The following B3GALT1 variants were observed in gnomAD, a reference collection of about 807,000 sequenced individuals.
The protein encoded by B3GALT1 is UDP-Gal:betaGlcNAc beta 1,3-galactosyltransferase, polypeptide 1.
A neutral mutation model predicts 23.2 loss-of-function variants in B3GALT1; 10 were observed. That is an observed-to-expected ratio of 0.43 (90% confidence interval 0.27 to 0.73). B3GALT1 has a LOEUF of 0.73. Ranked by LOEUF, B3GALT1 falls within the 30% of genes least tolerant of loss-of-function variation. The pLI is 0.21. For synonymous variants in B3GALT1, 156 were observed against 141.5 expected (o/e 1.10, Z -0.73); for missense variants, 299 against 405.4 (o/e 0.74, Z 2.25).
intron 1 of B3GALT1, among the ~76,000 whole-genome samples, chr2:167,391,780 G>T (rs1402967705): frequency 1.3e-5 from 2 of 152,100 alleles, no homozygotes; most frequent in African/African-American, 4.8e-5. Flanking sequence ...TAAAGGGATT[G>T]TAACTTCTAT....
chr2:167,695,875 C>A (rs528472233), intron 3 of B3GALT1, among the ~76,000 whole-genome samples: 2 of 152,104 alleles, frequency 1.3e-5, no homozygotes, highest in Non-Finnish European at 2.9e-5. Context: ...TTGCTCCCAC[C>A]GTCATGTCTG....
intron 1 of B3GALT1, among the ~76,000 whole-genome samples, chr2:167,325,781 G>C (rs113927300): frequency 1.4e-5 from 2 of 146,696 alleles, no homozygotes; most frequent in Admixed American, 1.4e-4. Flanking sequence ...GCAGTGGTGC[G>C]ATCTCAGCTC....
intron 2 of B3GALT1, among the ~76,000 whole-genome samples, chr2:167,529,909 A>T (rs890668377): frequency 3.9e-5 from 6 of 151,982 alleles, no homozygotes; most frequent in South Asian, 2.1e-4. Context: ...CAGTTTTTTT[A>T]AAAATCATAA....
chr2:167,776,235 G>C (rs2105314658), intron 3 of B3GALT1, among the ~76,000 whole-genome samples: 1 of 152,194 alleles, frequency 6.6e-6, no homozygotes, highest in East Asian at 1.9e-4. Context: ...GAATGACAGG[G>C]GACTCCGGAC....
At chr2:167,454,592 ATT>A (rs1479035360) in intron 1 of B3GALT1, among the ~76,000 whole-genome samples, 5 of 152,208 alleles carry the variant, frequency 3.3e-5, no homozygotes, top group African/African-American at 1.2e-4. Flanking sequence ...TTATTTGCTT[ATT>A]TAAATAAGCA....
At chr2:167,486,239 G>T (rs1699625153) in intron 1 of B3GALT1, among the ~76,000 whole-genome samples, 1 of 150,974 alleles carries the variant, frequency 6.6e-6, no homozygotes. Context: ...CATGCCTGTA[G>T]TCCCAGCTAC....
chr2:167,523,426 CTTT>C (rs35173184), intron 2 of B3GALT1, among the ~76,000 whole-genome samples: 6 of 141,118 alleles, frequency 4.3e-5, no homozygotes, highest in Admixed American at 1.4e-4. Flanking sequence ...TTGTGTATCC[CTTT>C]TTTTTTTTTT....
intron 3 of B3GALT1, among the ~76,000 whole-genome samples, chr2:167,794,226 A>T (rs898833305): frequency 2.0e-5 from 3 of 152,206 alleles, no homozygotes; most frequent in Non-Finnish European, 4.4e-5. Flanking sequence ...AGTCTGATTC[A>T]ATTATTTTTC....
intron 1 of B3GALT1, among the ~76,000 whole-genome samples, chr2:167,400,487 CTCTG>C (rs542615421): frequency 4.2e-4 from 64 of 152,150 alleles, no homozygotes; most frequent in African/African-American, 1.3e-3. Flanking sequence ...ATCAGCACAT[CTCTG>C]TCTATTTCCT....
At chr2:167,405,015 C>A (rs185541805) in intron 1 of B3GALT1, among the ~76,000 whole-genome samples, 1 of 152,004 alleles carries the variant, frequency 6.6e-6, no homozygotes, top group Non-Finnish European at 1.5e-5. Flanking sequence ...TTATTTTATC[C>A]CCACCATTAC....
intron 3 of B3GALT1, among the ~76,000 whole-genome samples, chr2:167,692,802 A>T (rs543050164): frequency 1.1e-4 from 16 of 152,212 alleles, no homozygotes; most frequent in African/African-American, 2.4e-4. Context: ...ATGATTTTTT[A>T]AAATTATCTT....
chr2:167,754,188 A>G lies in B3GALT1; in HGVS notation c.-351-64484A>G, dbSNP rs185046556. The stretch of plus-strand genomic sequence containing the variant: ...GTTATCAAGTTCTTAACTTGCTTAC[A>G]TTACATTTTCAGAAGCACCCTAGTA... On this transcript the variant is annotated intron_variant, in intron 3 of 4. Coordinates refer to ENST00000392690, the MANE Select transcript of B3GALT1 (RefSeq NM_020981.4). 4.1e-4 allele frequency among the ~76,000 whole-genome samples: 62 copies of G among 152,346 alleles called. No individual in the cohort carries two copies. In the East Asian group the frequency reaches 6.4e-3, roughly 16 times the overall value.
chr2:167,579,405 T>A, intron 2 of B3GALT1, among the ~76,000 whole-genome samples: 1 of 149,072 alleles, frequency 6.7e-6, no homozygotes, highest in Admixed American at 6.7e-5. Flanking sequence ...TGGAGAGTAG[T>A]TTGGTTTTGG....
intron 3 of B3GALT1, among the ~76,000 whole-genome samples, chr2:167,811,009 G>A (rs1688877582): frequency 6.6e-6 from 1 of 152,196 alleles, no homozygotes; most frequent in African/African-American, 2.4e-5. Flanking sequence ...AGCTGTCCAG[G>A]TGATGTATTG....
chr2:167,855,934 T>C (rs568706494), intron 4 of B3GALT1, among the ~76,000 whole-genome samples: 303 of 152,246 alleles, frequency 2.0e-3, no homozygotes, highest in Non-Finnish European at 3.3e-3. Context: ...AAAATGTCAT[T>C]TCTTTAATAG....
chr2:167,417,442 C>T (rs1039549133), intron 1 of B3GALT1, among the ~76,000 whole-genome samples: 49 of 152,184 alleles, frequency 3.2e-4, no homozygotes, highest in African/African-American at 1.1e-3. Context: ...TCTCAGGCTC[C>T]GTAACTGTAA....
intron 4 of B3GALT1, among the ~76,000 whole-genome samples, chr2:167,859,374 T>C (rs1365730475): frequency 6.6e-6 from 1 of 152,178 alleles, no homozygotes; most frequent in East Asian, 1.9e-4. Context: ...CTCTGAATTC[T>C]AGAACTAGGG....
Position 167,582,773 on chromosome 2 carries a change from C to T in B3GALT1, c.-409-64136C>T, listed in dbSNP as rs193005515. ...AAGCCCATCCCTGGGCATTCTACAG[C>T]GATGTGCTGCTGGATCTAGAGGCTG... On this transcript the variant is annotated intron_variant, in intron 2 of 4. Transcript: ENST00000392690. Among the ~76,000 whole-genome samples, 216 of 152,244 alleles carry T rather than the reference C, an allele frequency of 1.4e-3. 1 individual carries two copies. The highest frequency in any genetic ancestry group is 4.6e-3 in the African/African-American group (190 of 41,522).
chr2:167,720,496 C>G (rs138771686), intron 3 of B3GALT1, among the ~76,000 whole-genome samples: 6 of 152,252 alleles, frequency 3.9e-5, no homozygotes, highest in African/African-American at 1.2e-4. Flanking sequence ...ATTAAAGTAA[C>G]ACGGTCACAC....
Sources: gnomAD v4.1 joint callset for allele counts (sites outside exome capture counted in the v4.1 genomes callset) on GRCh38, gnomAD v4.1.1 for gene constraint, MANE v1.5 for transcripts, NCBI Gene and HGNC (gene_info 2026-07-23, HGNC 2026-07-21) for gene names.